Variants in ATP7B observed in about 807,000 individuals in gnomAD.
ATP7B encodes the protein ATPase copper transporting beta, also known as copper-transporting ATPase 2.
Under a neutral mutation model 118.9 loss-of-function variants are expected in ATP7B, and 113 were observed. The ratio of observed to expected loss-of-function variants is 0.95; its 90% CI spans 0.82 to 1.11. ATP7B has a LOEUF of 1.11. Ranked by LOEUF, ATP7B falls within the 50% of genes most tolerant of loss-of-function variation. The pLI, the probability that ATP7B is intolerant of heterozygous loss-of-function variation, is 0.00. For synonymous variants in ATP7B, 777 were observed against 727.4 expected (o/e 1.07, Z -1.10); for missense variants, 1,867 against 1,871.4 (o/e 1.00, Z 0.04).
intron 9 of ATP7B, among the ~76,000 whole-genome samples, chr13:51,953,019 A>G (rs1958104498): frequency 6.6e-6 from 1 of 152,218 alleles, no homozygotes. Flanking sequence ...CAGAAAGTTC[A>G]ATCATGGCAA....
At chr13:51,992,101 C>T (rs890873051) in intron 1 of ATP7B, among the ~76,000 whole-genome samples, 5 of 145,932 alleles carry the variant, frequency 3.4e-5, no homozygotes, top group Admixed American at 1.4e-4. Flanking sequence ...CTACATTGTA[C>T]AGAATGTACT....
chr13:51,939,199 G>A lies in ATP7B; in HGVS notation c.3557-6C>T, dbSNP rs140708492. The A allele has an allele frequency of 3.8e-3, 6,192 of 1,612,598 alleles. 21 individuals carry two copies. Among genetic ancestry groups the A allele is most frequent in the Non-Finnish European group, 4.5e-3 (5,368 of 1,180,022 alleles). ...GATCATCCCACAGAGCACACCTGGA[G>A]CGAACCAGCCAGCATCAGCAGCTAC... On this transcript the variant is annotated splice_region_variant and splice_polypyrimidine_tract_variant and intron_variant, in intron 16 of 20. Transcript: ENST00000242839.
chr13:51,950,987 G>A (rs568832623), intron 9 of ATP7B, among the ~76,000 whole-genome samples: 7 of 152,150 alleles, frequency 4.6e-5, no homozygotes, highest in African/African-American at 7.2e-5. Flanking sequence ...AGATCATGCC[G>A]AGTCTCCTGG....
intron 1 of ATP7B, among the ~76,000 whole-genome samples, chr13:51,997,754 A>G (rs1953281899): frequency 6.6e-6 from 1 of 152,230 alleles, no homozygotes; most frequent in South Asian, 2.1e-4. Context: ...TAAACAAACG[A>G]GGAGGCCTCC....
intron 1 of ATP7B, among the ~76,000 whole-genome samples, chr13:52,006,012 C>T (rs1953751199): frequency 6.6e-6 from 1 of 152,246 alleles, no homozygotes; most frequent in Non-Finnish European, 1.5e-5. Context: ...GTCCTTAAAC[C>T]ACAAACAGCA....
chr13:51,996,459 C>A (rs1330092573), intron 1 of ATP7B, among the ~76,000 whole-genome samples: 2 of 152,220 alleles, frequency 1.3e-5, no homozygotes, highest in East Asian at 1.9e-4. Context: ...TCCACCACAG[C>A]CACTAATTCC....
At chr13:51,997,668 T>C (rs1680832991) in intron 1 of ATP7B, among the ~76,000 whole-genome samples, 1 of 152,058 alleles carries the variant, frequency 6.6e-6, no homozygotes, top group African/African-American at 2.4e-5. Context: ...CTGGAAACAG[T>C]TTGGGCAGAA....
rs1182562637 is a variant in ATP7B at position 51,974,006 on chromosome 13, G to A, written c.1214C>T (p.Pro405Leu). Reference sequence around the variant, plus strand: ...GAGTTCTTCTGGGCTAATTACAGAGGGATTATAAAGAACTGTTGCAGTCCC... The same window carrying A: ...GAGTTCTTCTGGGCTAATTACAGAGAGATTATAAAGAACTGTTGCAGTCCC... Reference protein sequence around the residue: ...AEGTATVLYNPSVISPEELRA... With the variant: ...AEGTATVLYNLSVISPEELRA... The change falls in exon 2 of 21, where the codon CCC (proline) becomes CTC (leucine). Residue 405 changes from proline (P) to leucine (L), a missense_variant. Coordinates refer to ENST00000242839, the MANE Select transcript of ATP7B (RefSeq NM_000053.4). 2.5e-6 allele frequency: 4 copies of A among 1,614,114 alleles called. No individual in the cohort carries two copies. In the Admixed American group the frequency reaches 5.0e-5, roughly 20 times the overall value.
In ATP7B at chr13:51,937,370, A is replaced by G; in HGVS notation, c.3927T>C (p.Ala1309=). The change falls in exon 19 of 21, where the codon GCT becomes GCC. Residue 1309 remains alanine, a synonymous_variant. Transcript: ENST00000242839. ...LIRNDLLDVV[A]SIHLSKRTVR... ...CAGTCCTCTTGGAAAGGTGAATGCT[A>G]GCCACCACATCCAGCAAATCATTCT... is the stretch of plus-strand genomic sequence containing the variant. 1 of 1,614,228 alleles carries G rather than the reference A, an allele frequency of 6.2e-7. No homozygotes were observed. The highest frequency in any genetic ancestry group is 1.1e-5 in the South Asian group (1 of 91,088).
In ATP7B at chr13:51,974,102, C is replaced by A. The variant is rs1203297203; in HGVS notation, c.1118G>T (p.Cys373Phe). Residue 373 changes from cysteine (C) to phenylalanine (F), a missense_variant, in exon 2 of 21, where the codon TGT becomes TTT. Transcript: ENST00000242839. ...IAIAGMTCASCVHSIEGMISQ... is the reference protein window; with the variant it reads ...IAIAGMTCASFVHSIEGMISQ... ...GATCATGCCTTCAATGGAATGGACA[C>A]AGGATGCACAGGTCATGCCGGCAAT... 6.2e-7 allele frequency: 1 copy of A among 1,614,050 alleles called. No individual in the cohort carries two copies. The highest frequency in any genetic ancestry group is 8.5e-7 in the Non-Finnish European group (1 of 1,180,030).
At position 51,947,107 on chromosome 13, in the gene ATP7B, T is replaced by C. The variant is rs183538764; in HGVS notation, c.2866-629A>G. On this transcript the variant is annotated intron_variant, in intron 12 of 20. Transcript: ENST00000242839. ...TAAACTGTAGGTGTGATGTATATAA[T>C]GGGATACGAGGCAACTATTGGAATG... 2.6e-5 allele frequency among the ~76,000 whole-genome samples: 4 copies of C among 152,300 alleles called. No individual in the cohort carries two copies. In the East Asian group the frequency reaches 7.7e-4, roughly 29 times the overall value.
At chr13:51,957,994 T>C (rs1263884574) in intron 8 of ATP7B, 2 of 474,030 alleles carry the variant, frequency 4.2e-6, no homozygotes, top group African/African-American at 3.9e-5. Context: ...GGAGGATGTA[T>C]GGATGTCTAG....
At chr13:51,979,326 T>C (rs1025032640) in intron 1 of ATP7B, among the ~76,000 whole-genome samples, 1 of 152,200 alleles carries the variant, frequency 6.6e-6, no homozygotes, top group African/African-American at 2.4e-5. Context: ...AATGGATGCT[T>C]GTATAGGCAT....
At chr13:52,006,631 G>A (rs935455196) in intron 1 of ATP7B, among the ~76,000 whole-genome samples, 3 of 152,136 alleles carry the variant, frequency 2.0e-5, no homozygotes, top group Admixed American at 1.3e-4. Context: ...AGTGACTTAC[G>A]CTGTTTTCCT....
At chr13:52,006,199 G>C (rs536815775) in intron 1 of ATP7B, among the ~76,000 whole-genome samples, 1 of 152,190 alleles carries the variant, frequency 6.6e-6, no homozygotes, top group South Asian at 2.1e-4. Flanking sequence ...ATCTTTGTTC[G>C]GGGCTCTCAG....
chr13:51,958,816 G>GA (rs1015559367), intron 7 of ATP7B: 43 of 460,782 alleles, frequency 9.3e-5, no homozygotes, highest in African/African-American at 6.2e-4. Flanking sequence ...AAAAGTTGGG[G>GA]AAAAAAATCA....
intron 3 of ATP7B, 83 bp downstream of exon 3, chr13:51,970,409 A>T: frequency 6.3e-7 from 1 of 1,582,792 alleles, no homozygotes; most frequent in Non-Finnish European, 8.7e-7. Context: ...CTACTGATAA[A>T]CACAGTTGCT....
intron 7 of ATP7B, 96 bp from the exon 8 acceptor site, chr13:51,958,640 G>C: frequency 6.7e-6 from 7 of 1,051,384 alleles, no homozygotes; most frequent in Non-Finnish European, 1.0e-5. Context: ...AAAGCCTCTA[G>C]CTTTGTGCAC....
chr13:51,963,753 A>C (rs1234371877), intron 5 of ATP7B, among the ~76,000 whole-genome samples: 2 of 150,562 alleles, frequency 1.3e-5, no homozygotes, highest in African/African-American at 4.9e-5. Flanking sequence ...AAAAAAAAAA[A>C]AAAAAACTCT....
Sources: gnomAD v4.1 joint callset for allele counts (sites outside exome capture counted in the v4.1 genomes callset) on GRCh38, gnomAD v4.1.1 for gene constraint, MANE v1.5 for transcripts, NCBI Gene and HGNC (gene_info 2026-07-23, HGNC 2026-07-21) for gene names.